Variants in STAG1 observed in about 807,000 individuals in gnomAD.
STAG1 encodes the protein STAG1 cohesin complex component, also known as cohesin subunit SA-1.
STAG1 carries 26 observed loss-of-function variants against 170.9 expected under a neutral mutation model. That is an observed-to-expected ratio of 0.15 (90% confidence interval 0.11 to 0.21). STAG1 has a LOEUF of 0.21. Among genes scored for constraint, STAG1 ranks in the 10% least tolerant of loss-of-function variants. The pLI is 1.00. For missense variants in STAG1, 964 were observed against 1,509.5 expected (o/e 0.64, Z 5.99); for synonymous variants, 514 against 497.7 (o/e 1.03, Z -0.44).
intron 4 of STAG1, among the ~76,000 whole-genome samples, chr3:136,598,650 T>A (rs1938537232): frequency 6.6e-6 from 1 of 151,946 alleles, no homozygotes; most frequent in Non-Finnish European, 1.5e-5. Flanking sequence ...ATGGTTTCGA[T>A]CTCCTGACCT....
At chr3:136,515,170 G>A (rs976281362) in intron 7 of STAG1, among the ~76,000 whole-genome samples, 1 of 152,096 alleles carries the variant, frequency 6.6e-6, no homozygotes, top group African/African-American at 2.4e-5. Context: ...TTCGAGACTA[G>A]CCTGGCTAAC....
At chr3:136,600,866 GTTTGTTTTGTTTTGTTTTGT>G (rs147103499) in intron 4 of STAG1, among the ~76,000 whole-genome samples, 214 of 146,504 alleles carry the variant, frequency 1.5e-3, no homozygotes, top group African/African-American at 2.8e-3. Flanking sequence ...TTGTTTGTTT[GTTTGTTTTGTTTTGTTTTGT>G]TTTGTTTTGT....
chr3:136,527,578 CCTT>C (rs1283331404), intron 6 of STAG1, among the ~76,000 whole-genome samples: 1 of 152,108 alleles, frequency 6.6e-6, no homozygotes, highest in Admixed American at 6.5e-5. Context: ...TCTGAAGCCT[CCTT>C]CTCTCAACTT....
chr3:136,466,351 C>G (rs556508200), intron 12 of STAG1, among the ~76,000 whole-genome samples: 1 of 152,036 alleles, frequency 6.6e-6, no homozygotes, highest in South Asian at 2.1e-4. Flanking sequence ...AACTACGTGA[C>G]GAATGCACAA....
chr3:136,602,971 T>A (rs945870119), intron 4 of STAG1, among the ~76,000 whole-genome samples: 17 of 152,178 alleles, frequency 1.1e-4, no homozygotes, highest in Non-Finnish European at 2.4e-4. Flanking sequence ...AATACATGTT[T>A]CACCATTTAG....
intron 26 of STAG1, among the ~76,000 whole-genome samples, chr3:136,361,627 T>C (rs1417202297): frequency 6.6e-6 from 1 of 152,118 alleles, no homozygotes; most frequent in Non-Finnish European, 1.5e-5. Flanking sequence ...TTATTATTAT[T>C]AGAAATGGGG....
At chr3:136,512,777 T>G (rs1934138173) in intron 7 of STAG1, among the ~76,000 whole-genome samples, 1 of 150,996 alleles carries the variant, frequency 6.6e-6, no homozygotes, top group Admixed American at 6.6e-5. Flanking sequence ...TGCTCGATAG[T>G]GATGCTCACC....
chr3:136,571,636 C>A (rs1937268170), intron 4 of STAG1, among the ~76,000 whole-genome samples: 1 of 152,106 alleles, frequency 6.6e-6, no homozygotes, highest in Non-Finnish European at 1.5e-5. Context: ...TCCTGGGAGG[C>A]CAAGGCAGGA....
At chr3:136,528,502 C>CG (rs796340809) in intron 6 of STAG1, among the ~76,000 whole-genome samples, 12 of 144,428 alleles carry the variant, frequency 8.3e-5, no homozygotes, top group Middle Eastern at 3.5e-3. Flanking sequence ...GCACCCCCCC[C>CG]CCCAAAAAAT....
At chr3:136,441,262 A>C (rs2088623505) in intron 15 of STAG1, among the ~76,000 whole-genome samples, 1 of 151,950 alleles carries the variant, frequency 6.6e-6, no homozygotes, top group Non-Finnish European at 1.5e-5. Flanking sequence ...CAAACTCCTG[A>C]CCTCAGGTGA....
At chr3:136,703,593 T>C (rs182259298) in intron 1 of STAG1, among the ~76,000 whole-genome samples, 41 of 152,318 alleles carry the variant, frequency 2.7e-4, no homozygotes, top group African/African-American at 9.6e-4. Context: ...GACAGGTCAC[T>C]AGCTGACCAC....
In STAG1 at chr3:136,633,962, T is replaced by TAAAAAAAAAAAAAAAAA. The variant is rs67810422; in HGVS notation, c.-83-2998_-83-2982dup. On this transcript the variant is annotated intron_variant, in intron 1 of 33. Coordinates refer to ENST00000383202, the MANE Select transcript of STAG1 (RefSeq NM_005862.3). ...AACATGGTGAAACCCTGTCTCTACT[T>TAAAAAAAAAAAAAAAAA]AAAAAAAAAAAAAAAAAAAAAAAAA... Among the ~76,000 whole-genome samples, 66 of 50,350 alleles carry TAAAAAAAAAAAAAAAAA rather than the reference T, an allele frequency of 1.3e-3. 14 individuals are homozygous for TAAAAAAAAAAAAAAAAA. The highest frequency in any genetic ancestry group is 2.4e-3 in the Non-Finnish European group (56 of 23,596). The allele number at this position is 50,350 out of a possible 152,430, so 33.0% of individuals were successfully genotyped here.
At chr3:136,478,448 A>C (rs866251744) in intron 9 of STAG1, among the ~76,000 whole-genome samples, 8 of 152,220 alleles carry the variant, frequency 5.3e-5, no homozygotes, top group Non-Finnish European at 1.0e-4. Flanking sequence ...CCTTAGCTTT[A>C]AGAAAAAAAT....
intron 1 of STAG1, among the ~76,000 whole-genome samples, chr3:136,634,689 C>T (rs78916444): frequency 0.025 from 3,726 of 148,500 alleles, 68 homozygotes; most frequent in Non-Finnish European, 0.037. Context: ...CAAACTAAGC[C>T]CAAAGGCAGC....
At position 136,367,047 on chromosome 3, in the gene STAG1, C is replaced by A. The variant is rs1399143143; in HGVS notation, c.2581G>T (p.Ala861Ser). Reference sequence around the variant, plus strand: ...AGTAGATTCCTTCTTTTATGTAAGGCCTCAATTTTATTAGCTTCATCTTCT... The same window carrying A: ...AGTAGATTCCTTCTTTTATGTAAGGACTCAATTTTATTAGCTTCATCTTCT... The part of the protein sequence containing the change: ...DEEDEANKIE[A>S]LHKRRNLLAA... The change falls in exon 25 of 34, where the codon GCC (alanine) becomes TCC (serine). Residue 861 changes from alanine to serine, a missense_variant. Physicochemically the swap from Ala to Ser is moderately conservative, Grantham distance 99 (BLOSUM62 1). Around this residue, in one of 11 missense-constraint regions of STAG1, gnomAD observed 149 missense variants for 301.3 expected, o/e 0.49. Coordinates refer to ENST00000383202, the MANE Select transcript of STAG1 (RefSeq NM_005862.3). 6.2e-7 allele frequency: 1 copy of A among 1,610,204 alleles called. No homozygotes were observed. Among genetic ancestry groups the A allele is most frequent in the East Asian group, 2.2e-5 (1 of 44,798 alleles).
intron 1 of STAG1, among the ~76,000 whole-genome samples, chr3:136,712,088 G>T (rs973114848): frequency 4.9e-4 from 75 of 152,300 alleles, no homozygotes; most frequent in Non-Finnish European, 3.2e-4. Context: ...CATGATCTCG[G>T]CTCACTGCAA....
intron 9 of STAG1, among the ~76,000 whole-genome samples, chr3:136,495,481 A>C (rs1317997013): frequency 1.3e-5 from 2 of 152,178 alleles, no homozygotes. Flanking sequence ...GGTCACCATC[A>C]AGAAAATGAA....
chr3:136,343,033 G>C (rs1936046551), intron 30 of STAG1, among the ~76,000 whole-genome samples: 1 of 152,174 alleles, frequency 6.6e-6, no homozygotes, highest in Non-Finnish European at 1.5e-5. Flanking sequence ...AAGGGATCAT[G>C]AAAACCCAGG....
chr3:136,451,997 A>G (rs779373809), intron 14 of STAG1, 36 bp downstream of exon 14: 1 of 1,326,794 alleles, frequency 7.5e-7, no homozygotes, highest in Non-Finnish European at 1.1e-6. Context: ...GTAATATAAT[A>G]AAAGAAATAA....
Sources: gnomAD v4.1 joint callset for allele counts (sites outside exome capture counted in the v4.1 genomes callset) on GRCh38, gnomAD v4.1.1 for gene constraint, gnomAD v4.1.1 regional missense constraint, MANE v1.5 for transcripts, NCBI Gene and HGNC (gene_info 2026-07-23, HGNC 2026-07-21) for gene names.